Variants in SPATA13 observed in about 807,000 individuals in gnomAD.
The protein encoded by SPATA13 is spermatogenesis-associated protein 13.
A neutral mutation model predicts 104.0 loss-of-function variants in SPATA13; 50 were observed. That is an observed-to-expected ratio of 0.48 (90% CI 0.38 to 0.61). The LOEUF (loss-of-function observed/expected upper bound fraction) is 0.61, where lower values mean the gene tolerates loss of function less well. SPATA13 is among the 20% of genes least tolerant of loss of function. The probability of loss-of-function intolerance (pLI) is 0.00; values close to 1 mark genes in which losing one functional copy is unlikely to be tolerated. For missense variants in SPATA13, 1,524 were observed against 1,690.6 expected, an observed-to-expected ratio of 0.90 and a Z score of 1.73; for synonymous variants, 606 against 667.5, an observed-to-expected ratio of 0.91 and a Z score of 1.42.
intron 2 of SPATA13, among the ~76,000 whole-genome samples, chr13:24,225,089 C>T (rs1871854048): frequency 6.6e-6 from 1 of 152,244 alleles, no homozygotes; most frequent in Non-Finnish European, 1.5e-5. Flanking sequence ...GGCAGTGCCT[C>T]TGCTTGAGTT....
intron 3 of SPATA13, among the ~76,000 whole-genome samples, chr13:24,097,180 T>G (rs1051235783): frequency 6.6e-6 from 1 of 152,090 alleles, no homozygotes; most frequent in Non-Finnish European, 1.5e-5. Context: ...GGTGGCTGGG[T>G]GGGTGTGTGA....
At chr13:24,239,138 T>C (rs535916496) in intron 2 of SPATA13, among the ~76,000 whole-genome samples, 1 of 152,330 alleles carries the variant, frequency 6.6e-6, no homozygotes, top group African/African-American at 2.4e-5. Flanking sequence ...CTCATGTATC[T>C]GAGACTAAGT....
intron 1 of SPATA13, among the ~76,000 whole-genome samples, chr13:24,198,240 C>T (rs112096528): frequency 0.01 from 1,595 of 152,124 alleles, 18 homozygotes; most frequent in Non-Finnish European, 0.017. Flanking sequence ...TGATCTGCCC[C>T]CCTTGGCCTC....
At chr13:24,297,263 C>T in intron 10 of SPATA13, 100 bp from the exon 11 acceptor site, 1 of 1,424,278 alleles carries the variant, frequency 7.0e-7, no homozygotes, top group Non-Finnish European at 9.4e-7. Flanking sequence ...TGGTCTCAAA[C>T]TCTTGGCCTC....
chr13:24,299,938 G>A (rs918104448), intron 11 of SPATA13, among the ~76,000 whole-genome samples: 1 of 152,178 alleles, frequency 6.6e-6, no homozygotes, highest in African/African-American at 2.4e-5. Flanking sequence ...CACACAGCTG[G>A]GGTACAGAAT....
intron 3 of SPATA13, among the ~76,000 whole-genome samples, chr13:24,085,482 G>A (rs934537802): frequency 2.6e-5 from 4 of 152,178 alleles, no homozygotes; most frequent in Non-Finnish European, 4.4e-5. Context: ...CAGAGGGGCA[G>A]TGCCGTCTGG....
chr13:24,082,170 C>T (rs1001135501), intron 3 of SPATA13, among the ~76,000 whole-genome samples: 8 of 152,144 alleles, frequency 5.3e-5, no homozygotes, highest in African/African-American at 1.9e-4. Flanking sequence ...ATGCAGGATC[C>T]AAAATACATC....
intron 3 of SPATA13, among the ~76,000 whole-genome samples, chr13:24,055,610 C>T (rs1878514308): frequency 6.6e-6 from 1 of 152,160 alleles, no homozygotes; most frequent in South Asian, 2.1e-4. Flanking sequence ...GGGATGGTGG[C>T]AGGAAACAGA....
intron 3 of SPATA13, among the ~76,000 whole-genome samples, chr13:24,147,561 T>A (rs572396610): frequency 6.6e-6 from 1 of 152,322 alleles, no homozygotes; most frequent in East Asian, 1.9e-4. Flanking sequence ...GGGTCAACTC[T>A]CAAGCTGTTA....
Position 24,009,125 on chromosome 13 carries a change from GC to G in SPATA13, c.-146-8540del, listed in dbSNP as rs553239255. Among the ~76,000 whole-genome samples, 191 of 152,276 alleles carry G rather than the reference GC, an allele frequency of 1.3e-3. 2 individuals are homozygous for G. Among genetic ancestry groups the G allele is most frequent in the African/African-American group, 4.4e-3 (181 of 41,556 alleles). ...GAGGGTGCCCTGAAAACCTCAGCCA[GC>G]CTGCTATCCCCACCTAAACTCTGCT... is the stretch of plus-strand genomic sequence containing the variant. On this transcript the variant is annotated intron_variant, in intron 2 of 14. Transcript: ENST00000424834.
At chr13:24,067,905 T>C (rs1163488894) in intron 3 of SPATA13, among the ~76,000 whole-genome samples, 2 of 152,224 alleles carry the variant, frequency 1.3e-5, no homozygotes, top group Non-Finnish European at 2.9e-5. Flanking sequence ...GGTTTCACCA[T>C]GTTGGCAAGG....
intron 1 of SPATA13, among the ~76,000 whole-genome samples, chr13:24,188,149 TG>T (rs200650657): frequency 1.3e-5 from 2 of 152,122 alleles, no homozygotes; most frequent in Non-Finnish European, 2.9e-5. Flanking sequence ...GAGACCAGCC[TG>T]GGCAACATGG....
In SPATA13 at chr13:24,017,103, C is replaced by T. The variant is rs527739937; in HGVS notation, c.-146-564C>T. On this transcript the variant is annotated intron_variant, in intron 2 of 14. Coordinates refer to the SPATA13 transcript ENST00000424834. ...CCTTCCCATGGGGCCCAGCCCTGGG[C>T]CAGGGCAGAGAGTTGAGGTAACATC... Among the ~76,000 whole-genome samples, 40 of 152,242 alleles carry T rather than the reference C, an allele frequency of 2.6e-4. No individual in the cohort carries two copies. In the South Asian group the frequency reaches 7.9e-3, roughly 30 times the overall value.
chr13:24,253,710 G>A (rs1355666987), intron 4 of SPATA13, among the ~76,000 whole-genome samples: 1 of 152,058 alleles, frequency 6.6e-6, no homozygotes, highest in Non-Finnish European at 1.5e-5. Flanking sequence ...CCTCTCCAAG[G>A]AGGTGACGCT....
chr13:24,161,099 T>C lies in SPATA13; in HGVS notation c.-112+167T>C, dbSNP rs1235259229. Among the ~76,000 whole-genome samples, 1 of 152,206 alleles carries C rather than the reference T, an allele frequency of 6.6e-6. No homozygotes were observed. Among genetic ancestry groups the C allele is most frequent in the African/African-American group, 2.4e-5 (1 of 41,448 alleles). The stretch of plus-strand genomic sequence containing the variant: ...CCCGCCGGTGGAGGCTACCGGGTGC[T>C]CACCTGTTAGGTCCGTGCGCCCGCT... On this transcript the variant is annotated intron_variant, in intron 1 of 12. Coordinates refer to ENST00000382108, the MANE Select transcript of SPATA13 (RefSeq NM_001166271.3). The surrounding 1 kb of genome is among the most constrained non-coding windows in gnomAD (Gnocchi z 4.5).
intron 3 of SPATA13, among the ~76,000 whole-genome samples, chr13:24,052,346 C>T (rs1264606847): frequency 6.6e-6 from 1 of 152,100 alleles, no homozygotes; most frequent in South Asian, 2.1e-4. Flanking sequence ...TGAGGTCAGG[C>T]TGAGCAGCGT....
At chr13:24,035,321 A>G (rs1221681135) in intron 3 of SPATA13, among the ~76,000 whole-genome samples, 1 of 152,106 alleles carries the variant, frequency 6.6e-6, no homozygotes, top group Non-Finnish European at 1.5e-5. Flanking sequence ...CACCCAGCTA[A>G]TTTTTATATT....
rs1202019104 is a variant in SPATA13, at chr13:24,304,545, T to G, written c.*1772T>G. On this transcript the variant is annotated 3_prime_UTR_variant, in exon 13 of 13. Coordinates refer to ENST00000382108, the MANE Select transcript of SPATA13 (RefSeq NM_001166271.3). Reference sequence around the variant, plus strand: ...AGGTGTATTCTTCAGTCTGCAGGTGTGTGGCACCTCCCTTCTCCCCTGCAG... The same window carrying G: ...AGGTGTATTCTTCAGTCTGCAGGTGGGTGGCACCTCCCTTCTCCCCTGCAG... 6.6e-6 allele frequency: 1 copy of G among 152,178 alleles called. No individual in the cohort carries two copies. Among genetic ancestry groups the G allele is most frequent in the Non-Finnish European group, 1.5e-5 (1 of 68,028 alleles). The allele number at this position is 152,178 out of a possible 1,614,324, so 9.4% of individuals were successfully genotyped here.
At chr13:24,218,845 A>G (rs1334416924) in intron 1 of SPATA13, among the ~76,000 whole-genome samples, 1 of 152,024 alleles carries the variant, frequency 6.6e-6, no homozygotes, top group Non-Finnish European at 1.5e-5. Flanking sequence ...TGATGAGTAT[A>G]TTACAAAAAC....
Sources: allele counts gnomAD v4.1 joint callset (sites outside exome capture counted in the v4.1 genomes callset), GRCh38; gene constraint gnomAD v4.1.1; non-coding constraint Gnocchi (gnomAD v3.1); transcripts MANE v1.5; gene names NCBI Gene and HGNC (gene_info 2026-07-23, HGNC 2026-07-21).